Variants in ENTREP2 observed in about 807,000 individuals in gnomAD.
ENTREP2 encodes endosomal transmembrane epsin interactor 2, also known as protein ENTREP2.
chr15:29,466,089 G>A, the ENTREP2 span, among the ~76,000 whole-genome samples: 2 of 152,216 alleles, frequency 1.3e-5, no homozygotes, highest in Admixed American at 6.5e-5. Context: ...CCCTGAAGCT[G>A]GAAGCATATG....
At chr15:29,349,067 C>G in the ENTREP2 span, among the ~76,000 whole-genome samples, 11 of 152,338 alleles carry the variant, frequency 7.2e-5, no homozygotes, top group South Asian at 2.1e-3. Flanking sequence ...CACAGCTGAT[C>G]TGGGGCTGCC....
chr15:29,269,466 C>G, the ENTREP2 span: 13 of 1,613,170 alleles, frequency 8.1e-6, no homozygotes, highest in East Asian at 2.2e-5. Flanking sequence ...GCTTCTGGCT[C>G]CTGGGCCCCA....
the ENTREP2 span, among the ~76,000 whole-genome samples, chr15:29,603,695 A>G: frequency 0.011 from 1,677 of 152,240 alleles, 25 homozygotes; most frequent in African/African-American, 0.038. Flanking sequence ...CCAGAGTGCA[A>G]TGGCATGATC....
chr15:29,326,226 G>A, the ENTREP2 span, among the ~76,000 whole-genome samples: 14,710 of 152,092 alleles, frequency 0.097, 832 homozygotes, highest in East Asian at 0.2. Context: ...GTCCTAGCTA[G>A]TGCAATAAGA....
chr15:29,266,550 G>C, the ENTREP2 span: 1 of 152,172 alleles, frequency 6.6e-6, no homozygotes, highest in Non-Finnish European at 1.5e-5. Flanking sequence ...CCCCATAAAA[G>C]AACAATTAAA....
chr15:29,301,435 T>C, the ENTREP2 span, among the ~76,000 whole-genome samples: 1 of 152,200 alleles, frequency 6.6e-6, no homozygotes, highest in Non-Finnish European at 1.5e-5. Context: ...TCAGAGCACT[T>C]TGTTCTCTAC....
chr15:29,603,763 C>T, the ENTREP2 span, among the ~76,000 whole-genome samples: 25 of 152,196 alleles, frequency 1.6e-4, no homozygotes, highest in African/African-American at 5.1e-4. Context: ...CTCAGCCTCC[C>T]GAGTAGCTGG....
the ENTREP2 span, among the ~76,000 whole-genome samples, chr15:29,205,997 G>C: frequency 2.6e-5 from 4 of 152,190 alleles, no homozygotes; most frequent in Non-Finnish European, 5.9e-5. Context: ...CCACTGTCCT[G>C]CAGCATCCCT....
the ENTREP2 span, among the ~76,000 whole-genome samples, chr15:29,662,814 G>C: frequency 1.6e-3 from 246 of 152,200 alleles, 1 homozygote; most frequent in African/African-American, 5.7e-3. Flanking sequence ...TCTGCCTCCT[G>C]GATTCAAGCA....
chr15:29,430,519 G>A, the ENTREP2 span, among the ~76,000 whole-genome samples: 1 of 152,056 alleles, frequency 6.6e-6, no homozygotes, highest in South Asian at 2.1e-4. Context: ...GGTGGCACAT[G>A]CCTGTAATCA....
the ENTREP2 span, among the ~76,000 whole-genome samples, chr15:29,570,884 G>A: frequency 7.4e-3 from 1,071 of 144,844 alleles, 6 homozygotes; most frequent in Non-Finnish European, 0.011. Flanking sequence ...GGGCCGGGCC[G>A]GGCGGGGAGC....
At chr15:29,412,279 T>C in the ENTREP2 span, among the ~76,000 whole-genome samples, 1 of 152,214 alleles carries the variant, frequency 6.6e-6, no homozygotes, top group Non-Finnish European at 1.5e-5. Flanking sequence ...TTTCTGCATA[T>C]TCAAATTACA....
the ENTREP2 span, among the ~76,000 whole-genome samples, chr15:29,400,856 AG>A: frequency 2.6e-5 from 4 of 152,232 alleles, no homozygotes; most frequent in Non-Finnish European, 5.9e-5. Context: ...GTGAGGTCGG[AG>A]GCTCCTGCAG....
chr15:29,541,227 CCAA>C, the ENTREP2 span, among the ~76,000 whole-genome samples: 1 of 152,110 alleles, frequency 6.6e-6, no homozygotes, highest in African/African-American at 2.4e-5. Context: ...CTTGGAGGAC[CCAA>C]CAACTGACCC....
chr15:29,331,459 C>T, the ENTREP2 span, among the ~76,000 whole-genome samples: 24 of 152,218 alleles, frequency 1.6e-4, no homozygotes, highest in East Asian at 5.8e-4. Context: ...GAATCTGAGA[C>T]GAGTCCTTGG....
chr15:29,675,185 T>A, the ENTREP2 span: 1 of 152,740 alleles, frequency 6.5e-6, no homozygotes, highest in African/African-American at 2.4e-5. Context: ...CTCCCCTGCC[T>A]CCTGGCCGCC....
At chr15:29,362,438 G>A in the ENTREP2 span, among the ~76,000 whole-genome samples, 3 of 141,206 alleles carry the variant, frequency 2.1e-5, no homozygotes, top group African/African-American at 5.4e-5. Context: ...GCAGTGGCGC[G>A]ATCTCGGCTC....
chr15:29,622,824 G>A, the ENTREP2 span, among the ~76,000 whole-genome samples: 3 of 152,214 alleles, frequency 2.0e-5, no homozygotes, highest in Non-Finnish European at 4.4e-5. Context: ...GTCAGCACCA[G>A]AGGCTGGCGA....
At chr15:29,549,274 C>CTTTTTTT in the ENTREP2 span, among the ~76,000 whole-genome samples, 1 of 144,992 alleles carries the variant, frequency 6.9e-6, no homozygotes, top group Non-Finnish European at 1.5e-5. Flanking sequence ...ATTTGTTATA[C>CTTTTTTT]ATTTTTTTTT....
Sources: allele counts gnomAD v4.1 joint callset (sites outside exome capture counted in the v4.1 genomes callset), GRCh38; gene constraint gnomAD v4.1.1; transcripts MANE v1.5; gene names NCBI Gene and HGNC (gene_info 2026-07-23, HGNC 2026-07-21).